The following FUT9 variants were observed in gnomAD, a reference collection of about 807,000 sequenced individuals.
FUT9 encodes fucosyltransferase 9, also known as 4-galactosyl-N-acetylglucosaminide 3-alpha-L-fucosyltransferase 9.
Under a neutral mutation model 29.7 loss-of-function variants are expected in FUT9, and 15 were observed. The observed-to-expected ratio is 0.51, with a 90% confidence interval of 0.34 to 0.78. FUT9 has a LOEUF of 0.78. Ranked by LOEUF, FUT9 falls within the 30% of genes least tolerant of loss-of-function variation. The pLI, the probability that FUT9 is intolerant of heterozygous loss-of-function variation, is 0.01. For synonymous variants in FUT9, 169 were observed against 153.7 expected, an observed-to-expected ratio of 1.10 and a Z score of -0.74; for missense variants, 319 against 425.4, an observed-to-expected ratio of 0.75 and a Z score of 2.20.
Position 96,124,195 on chromosome 6 carries a change from A to C in FUT9, c.-9+10068A>C, listed in dbSNP as rs375616546. ...GAGACAGAGTTTGGCTCTGTCGCCC[A>C]GGCTGGAGTGCAGTGGCACAATCTC... On this transcript the variant is annotated intron_variant, in intron 2 of 2. Coordinates refer to ENST00000302103, the MANE Select transcript of FUT9 (RefSeq NM_006581.4). Among the ~76,000 whole-genome samples the C allele has an allele frequency of 6.2e-4, 82 of 133,216 alleles. 1 individual carries two copies. In the East Asian group the frequency reaches 0.017, roughly 27 times the overall value. 87.4% of individuals were successfully genotyped at this position (133,216 alleles called of 152,430 possible).
chr6:96,019,678 C>T (rs948572564), intron 1 of FUT9, among the ~76,000 whole-genome samples: 3 of 152,000 alleles, frequency 2.0e-5, no homozygotes, highest in African/African-American at 7.2e-5. Context: ...CTAACAGAAA[C>T]ATTTAAATTC....
At chr6:96,136,470 C>T (rs1422217758) in intron 2 of FUT9, among the ~76,000 whole-genome samples, 1 of 151,882 alleles carries the variant, frequency 6.6e-6, no homozygotes, top group African/African-American at 2.4e-5. Context: ...ATGCTTAGGT[C>T]AGATATAAAC....
chr6:96,191,738 G>A (rs565337111), intron 2 of FUT9, among the ~76,000 whole-genome samples: 51 of 152,158 alleles, frequency 3.4e-4, no homozygotes, highest in African/African-American at 1.2e-3. Context: ...TTATTTTGGT[G>A]TTATCCTGAT....
chr6:96,120,420 G>A (rs1230333826), intron 2 of FUT9, among the ~76,000 whole-genome samples: 11 of 149,988 alleles, frequency 7.3e-5, no homozygotes, highest in African/African-American at 2.7e-4. Flanking sequence ...ACAGGCGTCC[G>A]CCACCACGCC....
chr6:96,140,105 C>T (rs1772434811), intron 2 of FUT9, among the ~76,000 whole-genome samples: 1 of 152,278 alleles, frequency 6.6e-6, no homozygotes, highest in South Asian at 2.1e-4. Context: ...TAAATTATCT[C>T]TCTTAAGTTC....
intron 2 of FUT9, among the ~76,000 whole-genome samples, chr6:96,148,487 A>C (rs886991590): frequency 4.6e-5 from 7 of 152,214 alleles, no homozygotes; most frequent in Non-Finnish European, 7.3e-5. Context: ...TTCAGTAAAA[A>C]TTACATGGTA....
At chr6:96,040,099 A>T (rs1770434295) in intron 1 of FUT9, among the ~76,000 whole-genome samples, 1 of 152,114 alleles carries the variant, frequency 6.6e-6, no homozygotes. Context: ...ATTATATAAA[A>T]TTTTTAAATT....
intron 2 of FUT9, among the ~76,000 whole-genome samples, chr6:96,126,818 G>A (rs754211097): frequency 2.9e-4 from 44 of 152,162 alleles, no homozygotes; most frequent in Non-Finnish European, 4.8e-4. Context: ...TCCCTGTGGA[G>A]ATTATAGCAT....
chr6:96,024,181 C>A (rs972481890), intron 1 of FUT9, among the ~76,000 whole-genome samples: 1 of 151,824 alleles, frequency 6.6e-6, no homozygotes, highest in African/African-American at 2.4e-5. Flanking sequence ...AAAAACATGA[C>A]TTAGGTGTCC....
At chr6:96,113,752 G>C (rs1484384532) in intron 1 of FUT9, among the ~76,000 whole-genome samples, 2 of 151,562 alleles carry the variant, frequency 1.3e-5, no homozygotes, top group Admixed American at 6.6e-5. Flanking sequence ...TACTCAGGAG[G>C]CTGAGGCCGG....
chr6:96,120,224 T>G (rs1771996321), intron 2 of FUT9, among the ~76,000 whole-genome samples: 1 of 151,572 alleles, frequency 6.6e-6, no homozygotes, highest in Non-Finnish European at 1.5e-5. Context: ...AAAAGACTAT[T>G]CAGAAGAGTT....
chr6:96,087,500 A>C (rs1347186409), intron 1 of FUT9, among the ~76,000 whole-genome samples: 1 of 150,880 alleles, frequency 6.6e-6, no homozygotes, highest in Non-Finnish European at 1.5e-5. Context: ...CTGAGTAGCT[A>C]GGACTACAGG....
intron 1 of FUT9, among the ~76,000 whole-genome samples, chr6:96,024,506 A>G (rs143116786): frequency 2.2e-3 from 333 of 151,792 alleles, no homozygotes; most frequent in African/African-American, 7.8e-3. Flanking sequence ...GGCTGGCACC[A>G]TCTATTTCAT....
chr6:96,204,603 A>C lies in FUT9; in HGVS notation c.*368A>C, dbSNP rs1165668633. On this transcript the variant is annotated 3_prime_UTR_variant, in exon 3 of 3. Transcript: ENST00000302103. ...TGGGAAATGAAGATGCACATCTTAA[A>C]GTATGAAAAATTTTCACTAAGTATT... The C allele has an allele frequency of 5.9e-6, 1 of 170,342 alleles. No individual in the cohort carries two copies. Among genetic ancestry groups the C allele is most frequent in the African/African-American group, 2.4e-5 (1 of 41,596 alleles). The allele number at this position is 170,342 out of a possible 1,614,324, so 10.6% of individuals were successfully genotyped here. A position where few individuals can be genotyped will look rare whatever the true frequency, so the allele number is the denominator to read the frequency against.
intron 2 of FUT9, among the ~76,000 whole-genome samples, chr6:96,159,221 C>G (rs898920643): frequency 6.7e-6 from 1 of 149,904 alleles, no homozygotes; most frequent in Non-Finnish European, 1.5e-5. Flanking sequence ...ATGAGCCTGT[C>G]TCTAAAGAAA....
chr6:96,172,850 T>C (rs1017131886), intron 2 of FUT9, among the ~76,000 whole-genome samples: 2 of 152,136 alleles, frequency 1.3e-5, no homozygotes, highest in African/African-American at 2.4e-5. Flanking sequence ...GAGCACTTTA[T>C]ACTCTGAGGA....
At chr6:96,108,867 T>G (rs560080355) in intron 1 of FUT9, among the ~76,000 whole-genome samples, 2 of 152,120 alleles carry the variant, frequency 1.3e-5, no homozygotes, top group Non-Finnish European at 1.5e-5. Flanking sequence ...ACACACACAG[T>G]TCATTTCTCT....
At chr6:96,100,978 C>T (rs900971904) in intron 1 of FUT9, among the ~76,000 whole-genome samples, 1 of 152,120 alleles carries the variant, frequency 6.6e-6, no homozygotes, top group African/African-American at 2.4e-5. Flanking sequence ...TTAAAGACGG[C>T]ATCAAGATTT....
intron 1 of FUT9, among the ~76,000 whole-genome samples, chr6:96,073,343 G>T (rs991810869): frequency 1.3e-5 from 2 of 151,926 alleles, no homozygotes; most frequent in Admixed American, 1.3e-4. Context: ...CAGCTACTCG[G>T]GAGGCTGAGG....
Sources: gnomAD v4.1 joint callset for allele counts (sites outside exome capture counted in the v4.1 genomes callset) on GRCh38, gnomAD v4.1.1 for gene constraint, MANE v1.5 for transcripts, NCBI Gene and HGNC (gene_info 2026-07-23, HGNC 2026-07-21) for gene names.